The following HHAT variants were observed in gnomAD, a reference collection of about 807,000 sequenced individuals.
HHAT encodes the protein hedgehog acyltransferase, also known as protein-cysteine N-palmitoyltransferase HHAT.
In HHAT, 47 loss-of-function variants were observed where a neutral mutation model predicts 70.8. The observed-to-expected ratio is 0.66, with a 90% CI of 0.53 to 0.85. The LOEUF (loss-of-function observed/expected upper bound fraction) is 0.85. Ranked by LOEUF, HHAT falls within the 40% of genes least tolerant of loss-of-function variation. The pLI is 0.00. For missense variants in HHAT, 609 were observed against 604.8 expected (o/e 1.01, Z -0.07); for synonymous variants, 228 against 247.6 (o/e 0.92, Z 0.74).
chr1:210,507,456 G>T (rs1455206242), intron 8 of HHAT, among the ~76,000 whole-genome samples: 2 of 150,940 alleles, frequency 1.3e-5, no homozygotes, highest in African/African-American at 2.4e-5. Context: ...CGCCTCCTGG[G>T]TTCAAGTGAT....
chr1:210,624,252 C>T (rs542579672), intron 11 of HHAT, among the ~76,000 whole-genome samples: 1 of 152,268 alleles, frequency 6.6e-6, no homozygotes, highest in East Asian at 1.9e-4. Flanking sequence ...AGAGAGTTCC[C>T]ACCAGCAAGA....
chr1:210,617,393 A>G (rs1184020810), intron 10 of HHAT, among the ~76,000 whole-genome samples: 4 of 152,254 alleles, frequency 2.6e-5, no homozygotes, highest in Non-Finnish European at 4.4e-5. Context: ...TTGATGAAGT[A>G]GAGAGAGGAA....
intron 9 of HHAT, among the ~76,000 whole-genome samples, chr1:210,545,629 G>T (rs141064527): frequency 6.6e-6 from 1 of 151,902 alleles, no homozygotes; most frequent in Non-Finnish European, 1.5e-5. Context: ...TAGAGATGGG[G>T]TTTCACCACA....
intron 9 of HHAT, among the ~76,000 whole-genome samples, chr1:210,560,814 TAAAAAAAAAAAAAA>T (rs60192211): frequency 1.4e-3 from 40 of 28,514 alleles, no homozygotes; most frequent in East Asian, 7.1e-3. Flanking sequence ...CCCTGTGTCT[TAAAAAAAAAAAAAA>T]AAAAAAAAAA....
intron 9 of HHAT, among the ~76,000 whole-genome samples, chr1:210,526,863 T>C (rs931572309): frequency 2.6e-5 from 4 of 152,204 alleles, no homozygotes; most frequent in African/African-American, 9.6e-5. Flanking sequence ...TGATGTGATA[T>C]AATATGAAAT....
rs1162782214 is a variant in HHAT at position 210,674,293 on chromosome 1, C to G, written c.1396C>G (p.Pro466Ala). The G allele has an allele frequency of 5.6e-6, 9 of 1,613,684 alleles. No individual in the cohort carries two copies. The highest frequency in any genetic ancestry group is 6.8e-6 in the Non-Finnish European group (8 of 1,179,702). Residue 466 changes from proline to alanine, a missense_variant, in exon 12 of 12, where the codon CCT becomes GCT. Physicochemically the swap from Pro to Ala is conservative, Grantham distance 27. Coordinates refer to ENST00000261458, the MANE Select transcript of HHAT (RefSeq NM_018194.6). The stretch of plus-strand genomic sequence containing the variant: ...TCTCTGTCCTCCCTCTGCAGGCTGG[C>G]CTTGGGTGACCCTCTCTGTCCTGGG... ...YWNRIFIQGWPWVTLSVLGFL... is the reference protein window; with the variant it reads ...YWNRIFIQGWAWVTLSVLGFL...
chr1:210,445,965 G>A (rs974578379), intron 7 of HHAT, among the ~76,000 whole-genome samples: 4 of 151,976 alleles, frequency 2.6e-5, no homozygotes, highest in Admixed American at 6.6e-5. Context: ...ATGTTGGTGT[G>A]CTGCATCCAT....
At chr1:210,483,308 A>C (rs571279364) in intron 8 of HHAT, among the ~76,000 whole-genome samples, 1 of 152,350 alleles carries the variant, frequency 6.6e-6, no homozygotes, top group Admixed American at 6.5e-5. Flanking sequence ...GAGCTAGACC[A>C]TAAAGTGCGT....
chr1:210,629,166 CT>C (rs1373588404), intron 11 of HHAT, among the ~76,000 whole-genome samples: 2 of 152,210 alleles, frequency 1.3e-5, no homozygotes, highest in Admixed American at 1.3e-4. Flanking sequence ...TATGACCATT[CT>C]TGGAATCTGA....
At chr1:210,655,666 C>T (rs1676235061) in intron 11 of HHAT, among the ~76,000 whole-genome samples, 1 of 152,138 alleles carries the variant, frequency 6.6e-6, no homozygotes, top group Non-Finnish European at 1.5e-5. Flanking sequence ...TCTCTGTAAC[C>T]GAAGTGGAAA....
At chr1:210,667,380 CAATA>C (rs3067940) in intron 11 of HHAT, among the ~76,000 whole-genome samples, 44,261 of 150,292 alleles carry the variant, frequency 0.29, 6,786 homozygotes, top group East Asian at 0.36. Flanking sequence ...GAAACTCCGT[CAATA>C]AATAAATAAA....
chr1:210,497,185 T>C lies in HHAT; in HGVS notation c.1008-15968T>C, dbSNP rs138616632. On this transcript the variant is annotated intron_variant, in intron 8 of 11. Coordinates refer to ENST00000261458, the MANE Select transcript of HHAT (RefSeq NM_018194.6). ...ATAGGGATTATTAGAAACATAAAGG[T>C]ATGCCCTACTTAAAGGAATCTTGTA... is the stretch of plus-strand genomic sequence containing the variant. Among the ~76,000 whole-genome samples the C allele has an allele frequency of 4.6e-3, 696 of 152,316 alleles. 4 individuals carry two copies. The highest frequency in any genetic ancestry group is 0.012 in the African/African-American group (483 of 41,568).
chr1:210,663,957 A>T (rs1204140174), intron 11 of HHAT, among the ~76,000 whole-genome samples: 3 of 152,104 alleles, frequency 2.0e-5, no homozygotes, highest in East Asian at 3.8e-4. Context: ...TTTTTTGAAA[A>T]AACTGTGAGG....
At chr1:210,565,006 G>A (rs187759614) in intron 9 of HHAT, among the ~76,000 whole-genome samples, 1 of 152,314 alleles carries the variant, frequency 6.6e-6, no homozygotes, top group African/African-American at 2.4e-5. Context: ...AAAGACTGGA[G>A]TGCATCTTTA....
At chr1:210,502,558 A>G (rs1376685239) in intron 8 of HHAT, among the ~76,000 whole-genome samples, 1 of 152,176 alleles carries the variant, frequency 6.6e-6, no homozygotes, top group African/African-American at 2.4e-5. Flanking sequence ...AATTGTGGGA[A>G]AATCATTGAA....
chr1:210,390,218 G>T (rs1264393053), intron 4 of HHAT, among the ~76,000 whole-genome samples: 1 of 152,022 alleles, frequency 6.6e-6, no homozygotes, highest in South Asian at 2.1e-4. Flanking sequence ...GCTCAGAGAG[G>T]CTCTTCTTAG....
At chr1:210,390,505 G>T (rs141597529) in intron 4 of HHAT, among the ~76,000 whole-genome samples, 10 of 152,274 alleles carry the variant, frequency 6.6e-5, no homozygotes, top group African/African-American at 2.4e-4. Flanking sequence ...TGTAGGGAGA[G>T]ATTTTTTTTC....
At chr1:210,408,465 G>A (rs1476570974) in intron 6 of HHAT, among the ~76,000 whole-genome samples, 1 of 152,194 alleles carries the variant, frequency 6.6e-6, no homozygotes, top group Non-Finnish European at 1.5e-5. Flanking sequence ...TTACAGGTGT[G>A]AGCCACCATG....
rs79609169 is a variant in HHAT, at chr1:210,578,751, A to G, written c.1044-9147A>G. Among the ~76,000 whole-genome samples, 1,338 of 152,314 alleles carry G rather than the reference A, an allele frequency of 8.8e-3. 14 individuals carry two copies. The highest frequency in any genetic ancestry group is 0.029 in the East Asian group (149 of 5,180). ...GGACAAATACTGTATGATTCCAGTT[A>G]TATACATAAGGCTATGAAGGCGAAA... On this transcript the variant is annotated intron_variant, in intron 9 of 11. Coordinates refer to ENST00000261458, the MANE Select transcript of HHAT (RefSeq NM_018194.6).
Sources: gnomAD v4.1 joint callset for allele counts (sites outside exome capture counted in the v4.1 genomes callset) on GRCh38, gnomAD v4.1.1 for gene constraint, MANE v1.5 for transcripts, NCBI Gene and HGNC (gene_info 2026-07-23, HGNC 2026-07-21) for gene names.